TNR: variants seen among roughly 807,000 people sequenced by gnomAD.
TNR encodes the protein tenascin-R.
In TNR, 45 loss-of-function variants were observed where a neutral mutation model predicts 150.4. The observed-to-expected ratio is 0.30, with a 90% CI of 0.24 to 0.38. The LOEUF (loss-of-function observed/expected upper bound fraction) is 0.38, where lower values mean the gene tolerates loss of function less well. TNR is among the 10% of genes least tolerant of loss of function. TNR has a pLI of 1.00. For missense variants in TNR, 1,544 were observed against 1,759.1 expected (o/e 0.88, Z 2.19); for synonymous variants, 687 against 678.4 (o/e 1.01, Z -0.20).
At chr1:175,595,276 C>T (rs1662964549) in intron 1 of TNR, among the ~76,000 whole-genome samples, 1 of 152,152 alleles carries the variant, frequency 6.6e-6, no homozygotes, top group South Asian at 2.1e-4. Flanking sequence ...ACAGACACAG[C>T]CTCAGAAAAT....
At chr1:175,323,582 C>T in intron 22 of TNR, 106 bp from the exon 23 acceptor site, 1 of 1,472,514 alleles carries the variant, frequency 6.8e-7, no homozygotes, top group Non-Finnish European at 9.2e-7. Flanking sequence ...GTGGGGTTAG[C>T]TATTTTCAGC....
chr1:175,479,355 G>T (rs949985423), intron 2 of TNR, among the ~76,000 whole-genome samples: 2 of 152,206 alleles, frequency 1.3e-5, no homozygotes, highest in Non-Finnish European at 2.9e-5. Flanking sequence ...TCCCTGACAA[G>T]TTTCCCCCCA....
intron 18 of TNR, 145 bp downstream of exon 18, chr1:175,354,246 T>A: frequency 9.1e-7 from 1 of 1,102,276 alleles, no homozygotes; most frequent in Non-Finnish European, 1.3e-6. Flanking sequence ...GGTTTCCTGG[T>A]AGGGGCTTGG....
At chr1:175,563,070 G>A (rs1431434751) in intron 1 of TNR, among the ~76,000 whole-genome samples, 1 of 152,176 alleles carries the variant, frequency 6.6e-6, no homozygotes, top group African/African-American at 2.4e-5. Flanking sequence ...TCCATGAAAG[G>A]GTCTCTTGGG....
chr1:175,334,953 G>C (rs896704080), intron 20 of TNR, among the ~76,000 whole-genome samples: 1 of 152,224 alleles, frequency 6.6e-6, no homozygotes, highest in Non-Finnish European at 1.5e-5. Context: ...AGAGAGGCCG[G>C]TAAGAAGCTT....
At chr1:175,351,908 T>C (rs1227961356) in intron 18 of TNR, among the ~76,000 whole-genome samples, 3 of 152,234 alleles carry the variant, frequency 2.0e-5, no homozygotes, top group African/African-American at 7.2e-5. Context: ...TGAGCTGGTA[T>C]TGGTCATGCC....
chr1:175,650,917 C>CA (rs1664958370), intron 1 of TNR, among the ~76,000 whole-genome samples: 1 of 42,284 alleles, frequency 2.4e-5, no homozygotes, highest in South Asian at 8.1e-4. Flanking sequence ...CTCATTACTA[C>CA]CCCTCCCCAC....
At chr1:175,461,617 C>A (rs1019001286) in intron 2 of TNR, among the ~76,000 whole-genome samples, 1 of 152,148 alleles carries the variant, frequency 6.6e-6, no homozygotes, top group Non-Finnish European at 1.5e-5. Flanking sequence ...GCTTCGATTT[C>A]TTTCTGTGAC....
intron 2 of TNR, among the ~76,000 whole-genome samples, chr1:175,496,240 G>C (rs1658482707): frequency 6.6e-6 from 1 of 152,058 alleles, no homozygotes; most frequent in African/African-American, 2.4e-5. Context: ...ATGCTACTGA[G>C]GTCTGTTGGA....
chr1:175,598,418 G>T (rs1263164864), intron 1 of TNR, among the ~76,000 whole-genome samples: 4 of 152,156 alleles, frequency 2.6e-5, no homozygotes, highest in African/African-American at 9.7e-5. Flanking sequence ...AAGATTAGAG[G>T]TGCTATTTTC....
At chr1:175,602,234 A>T (rs1356368200) in intron 1 of TNR, among the ~76,000 whole-genome samples, 1 of 141,796 alleles carries the variant, frequency 7.1e-6, no homozygotes, top group African/African-American at 2.7e-5. Flanking sequence ...AAAAAAAAAT[A>T]GCGTTCCTGT....
At chr1:175,430,973 G>T (rs955615849) in intron 2 of TNR, among the ~76,000 whole-genome samples, 1 of 151,984 alleles carries the variant, frequency 6.6e-6, no homozygotes. Context: ...GTCCAATTTG[G>T]GCATCCTTAT....
At chr1:175,394,447 T>C (rs917087179) in intron 5 of TNR, among the ~76,000 whole-genome samples, 1 of 152,234 alleles carries the variant, frequency 6.6e-6, no homozygotes, top group Non-Finnish European at 1.5e-5. Flanking sequence ...GAGTATTTTG[T>C]TTAGCTCAAA....
intron 1 of TNR, among the ~76,000 whole-genome samples, chr1:175,544,425 G>A (rs1338774519): frequency 1.3e-5 from 2 of 152,308 alleles, no homozygotes; most frequent in East Asian, 3.9e-4. Flanking sequence ...GAACAATTAA[G>A]CCTTCTCAGG....
At chr1:175,456,001 G>A (rs566592450) in intron 2 of TNR, among the ~76,000 whole-genome samples, 1 of 152,222 alleles carries the variant, frequency 6.6e-6, no homozygotes, top group Non-Finnish European at 1.5e-5. Context: ...ATTGTCCTGA[G>A]CAATCAAGAT....
chr1:175,360,614 A>T (rs1298904850), intron 14 of TNR, among the ~76,000 whole-genome samples: 1 of 152,248 alleles, frequency 6.6e-6, no homozygotes, highest in Non-Finnish European at 1.5e-5. Context: ...TACTTTTGAG[A>T]ACCAAGATCT....
At chr1:175,540,566 G>T (rs1257097755) in intron 1 of TNR, among the ~76,000 whole-genome samples, 1 of 152,188 alleles carries the variant, frequency 6.6e-6, no homozygotes. Flanking sequence ...CAGCTAGATG[G>T]TTTGGTTTCT....
intron 1 of TNR, among the ~76,000 whole-genome samples, chr1:175,658,340 C>T (rs1403693489): frequency 2.0e-5 from 3 of 152,318 alleles, no homozygotes; most frequent in South Asian, 4.1e-4. Context: ...TTACTCTACA[C>T]ATCACCCTGC....
chr1:175,513,641 T>C (rs150309588), intron 2 of TNR, among the ~76,000 whole-genome samples: 1 of 152,282 alleles, frequency 6.6e-6, no homozygotes, highest in Non-Finnish European at 1.5e-5. Context: ...GAAATCTAGG[T>C]CTCTACCTGG....
Sources: gnomAD v4.1 joint callset for allele counts (sites outside exome capture counted in the v4.1 genomes callset) on GRCh38, gnomAD v4.1.1 for gene constraint, MANE v1.5 for transcripts, NCBI Gene and HGNC (gene_info 2026-07-23, HGNC 2026-07-21) for gene names.